GNE: variants seen among roughly 807,000 people sequenced by gnomAD.
The protein encoded by GNE is bifunctional UDP-N-acetylglucosamine 2-epimerase/N-acetylmannosamine kinase.
In GNE, 41 loss-of-function variants were observed where a neutral mutation model predicts 61.8. That is an observed-to-expected ratio of 0.66 (90% CI 0.52 to 0.86). GNE has a LOEUF of 0.86. Ranked by LOEUF, GNE falls within the 40% of genes least tolerant of loss-of-function variation. The pLI is 0.00. For synonymous variants in GNE, 264 were observed against 326.4 expected, an observed-to-expected ratio of 0.81 and a Z score of 2.06; for missense variants, 608 against 909.1, an observed-to-expected ratio of 0.67 and a Z score of 4.26.
chr9:36,266,769 C>T (rs565297715), intron 1 of GNE, among the ~76,000 whole-genome samples: 14 of 152,196 alleles, frequency 9.2e-5, no homozygotes, highest in Admixed American at 2.6e-4. Flanking sequence ...ATTAGCCGGG[C>T]GTGGTGGCGG....
Position 36,229,025 on chromosome 9 carries a change from G to A in GNE, c.1066C>T (p.Pro356Ser). 6 of 1,570,510 alleles carry A rather than the reference G, an allele frequency of 3.8e-6. No individual in the cohort carries two copies. The highest frequency in any genetic ancestry group is 5.3e-6 in the Non-Finnish European group (6 of 1,140,504). Residue 356 changes from proline to serine, a missense_variant, in exon 6 of 12, where the codon CCT (proline) becomes TCT (serine). Transcript: ENST00000642385. ...CAAAGAATGTTTTATACTCACCAAGGGTACTGTTTACCAAACTGAAGGTGC... is the reference window on the plus strand; with the variant it reads ...CAAAGAATGTTTTATACTCACCAAGAGTACTGTTTACCAAACTGAAGGTGC... ...ALHLQFGKQY[P>S]CSKIYGDGNA...
rs1050290881 is a variant in GNE, at chr9:36,224,032, G to A, written c.1282-530C>T. 3.3e-5 allele frequency among the ~76,000 whole-genome samples: 5 copies of A among 152,098 alleles called. No individual in the cohort carries two copies. In the South Asian group the frequency reaches 8.3e-4, roughly 25 times the overall value. ...CTCCCAAAGTGCTGGGATTACAGGC[G>A]TGAGCCACTGCCCCCGGCCGGGCCC... On this transcript the variant is annotated intron_variant, in intron 7 of 11. Coordinates refer to ENST00000642385, the MANE Select transcript of GNE (RefSeq NM_005476.7).
At chr9:36,260,026 A>T (rs1297709538), upstream of GNE, among the ~76,000 whole-genome samples, 1 of 152,108 alleles carries the variant, frequency 6.6e-6, no homozygotes, top group Non-Finnish European at 1.5e-5. Context: ...GTGAAACTCA[A>T]CTGAAGTGGA....
Position 36,216,640 on chromosome 9 carries a change from G to GATTATTATCATT in GNE, c.*724_*725insAATGATAATAAT. Reference sequence around the variant, plus strand: ...GTGAGCCACTGCGCCCAGCTGGAAGGATTATTATTATTATTATTATTATTA... The same window carrying GATTATTATCATT: ...GTGAGCCACTGCGCCCAGCTGGAAGGATTATTATCATTATTATTATTATTATTATTATTATTA... On this transcript the variant is annotated 3_prime_UTR_variant, in exon 12 of 12. Transcript: ENST00000642385. 7.6e-6 allele frequency: 1 copy of GATTATTATCATT among 131,570 alleles called. No individual in the cohort carries two copies. Among genetic ancestry groups the GATTATTATCATT allele is most frequent in the South Asian group, 2.5e-4 (1 of 3,942 alleles). The allele number at this position is 131,570 out of a possible 1,614,324, so 8.2% of individuals were successfully genotyped here.
At chr9:36,227,214 G>T (rs767017498) in intron 7 of GNE, 34 bp downstream of exon 7, 8 of 1,338,640 alleles carry the variant, frequency 6.0e-6, no homozygotes, top group Non-Finnish European at 4.3e-6. Context: ...CGCTCATATG[G>T]GATATAAAGT....
intron 5 of GNE, among the ~76,000 whole-genome samples, chr9:36,231,066 T>TAAAAAAAAAAAAAA (rs529903965): frequency 5.9e-5 from 4 of 68,342 alleles, no homozygotes; most frequent in African/African-American, 1.4e-4. Context: ...ACTGCTTCAC[T>TAAAAAAAAAAAAAA]AAAAAAAAAA....
At chr9:36,235,920 G>A (rs1829370590) in intron 4 of GNE, among the ~76,000 whole-genome samples, 1 of 152,166 alleles carries the variant, frequency 6.6e-6, no homozygotes, top group Non-Finnish European at 1.5e-5. Flanking sequence ...GTTAGGCTAT[G>A]TTCTGACATT....
chr9:36,233,859 C>G, intron 5 of GNE, 61 bp downstream of exon 5: 1 of 1,257,180 alleles, frequency 8.0e-7, no homozygotes, highest in Non-Finnish European at 1.2e-6. Flanking sequence ...ATATGCATAC[C>G]TTATAACAAC....
At chr9:36,258,849 C>T (rs187865645), upstream of GNE, among the ~76,000 whole-genome samples, 286 of 152,168 alleles carry the variant, frequency 1.9e-3, 2 homozygotes, top group African/African-American at 5.6e-3. Context: ...TGTCGTGTAG[C>T]GCGGCCACCC....
chr9:36,230,369 G>A (rs1157032414), intron 5 of GNE, among the ~76,000 whole-genome samples: 3 of 152,118 alleles, frequency 2.0e-5, no homozygotes, highest in Admixed American at 2.0e-4. Context: ...TTCCTCTTCA[G>A]TCTTCCTTGC....
At chr9:36,264,309 T>C (rs1297550142) in intron 1 of GNE, among the ~76,000 whole-genome samples, 1 of 152,042 alleles carries the variant, frequency 6.6e-6, no homozygotes, top group Non-Finnish European at 1.5e-5. Context: ...AGTTTTTTTG[T>C]ATTTTTTATA....
At chr9:36,227,817 C>T (rs963921969) in intron 6 of GNE, among the ~76,000 whole-genome samples, 27 of 152,166 alleles carry the variant, frequency 1.8e-4, no homozygotes, top group Admixed American at 2.6e-4. Context: ...TGGCGGATCA[C>T]CTGAAGTCAG....
intron 7 of GNE, among the ~76,000 whole-genome samples, chr9:36,225,931 C>T (rs1358601951): frequency 6.6e-6 from 1 of 152,126 alleles, no homozygotes; most frequent in Non-Finnish European, 1.5e-5. Flanking sequence ...AGGGTGGGAG[C>T]CAAGCATTTT....
At chr9:36,248,781 A>G (rs1830003660) in intron 2 of GNE, among the ~76,000 whole-genome samples, 1 of 152,222 alleles carries the variant, frequency 6.6e-6, no homozygotes, top group Admixed American at 6.6e-5. Context: ...CTGTTGGCCT[A>G]TAAACCAGTT....
Position 36,216,679 on chromosome 9 carries a change from T to C in GNE, c.*686A>G, listed in dbSNP as rs1828323272. ...TTATTATTATTATTATTATTTATTA[T>C]TATTATTTTTGAGATGGAGTCTTGC... On this transcript the variant is annotated 3_prime_UTR_variant, in exon 12 of 12. Transcript: ENST00000642385. The C allele has an allele frequency of 7.7e-6, 1 of 129,236 alleles. No individual in the cohort carries two copies. Among genetic ancestry groups the C allele is most frequent in the African/African-American group, 3.2e-5 (1 of 30,834 alleles). The allele number at this position is 129,236 out of a possible 1,614,324, so 8.0% of individuals were successfully genotyped here.
At chr9:36,258,270 G>C in intron 1 of GNE, 51 bp downstream of exon 1, 15 of 956,932 alleles carry the variant, frequency 1.6e-5, no homozygotes, top group South Asian at 4.8e-5. Context: ...GGCGGCCCTG[G>C]GGGTGGGCAG....
upstream of GNE, among the ~76,000 whole-genome samples, chr9:36,259,291 T>C (rs567879656): frequency 1.2e-4 from 19 of 152,334 alleles, no homozygotes; most frequent in South Asian, 3.3e-3. Context: ...GTGAGAAGGC[T>C]AGCTTGAGGC....
Position 36,258,416 on chromosome 9 carries a change from C to T in GNE, c.-138G>A. On this transcript the variant is annotated 5_prime_UTR_variant, in exon 1 of 12. Transcript: ENST00000642385. The stretch of plus-strand genomic sequence containing the variant: ...GAAGCAGGCAGAGCGCGAGCCTGCC[C>T]CTCGGTTTCCGCGCTCGGGCGCGCG... The T allele has an allele frequency of 1.0e-6, 1 of 985,504 alleles. No homozygotes were observed. Among genetic ancestry groups the T allele is most frequent in the Non-Finnish European group, 1.2e-6 (1 of 829,974 alleles). The allele number at this position is 985,504 out of a possible 1,614,324, so 61.0% of individuals were successfully genotyped here.
At chr9:36,265,074 C>G in intron 1 of GNE, 1 of 302,588 alleles carries the variant, frequency 3.3e-6, no homozygotes, top group South Asian at 3.5e-5. Flanking sequence ...CCGGATCTGG[C>G]AGGGTGTCTG....
Sources: gnomAD v4.1 joint callset for allele counts (sites outside exome capture counted in the v4.1 genomes callset) on GRCh38, gnomAD v4.1.1 for gene constraint, MANE v1.5 for transcripts, NCBI Gene and HGNC (gene_info 2026-07-23, HGNC 2026-07-21) for gene names.